Variants in GRID2 observed in about 807,000 individuals in gnomAD.
GRID2 encodes the protein glutamate receptor ionotropic, delta-2.
GRID2 carries 33 observed loss-of-function variants against 114.8 expected under a neutral mutation model. The observed-to-expected ratio is 0.29, with a 90% CI of 0.22 to 0.38. The LOEUF is 0.38. Ranked by LOEUF, GRID2 falls within the 10% of genes least tolerant of loss-of-function variation. The pLI is 1.00. For missense variants in GRID2, 1,184 were observed against 1,257.7 expected (o/e 0.94, Z 0.89); for synonymous variants, 505 against 449.9 (o/e 1.12, Z -1.55).
chr4:93,724,477 A>T (rs547928715), intron 14 of GRID2, among the ~76,000 whole-genome samples: 2 of 152,200 alleles, frequency 1.3e-5, no homozygotes, highest in South Asian at 2.1e-4. Flanking sequence ...TTAATTTTTT[A>T]AAAAATATGC....
intron 2 of GRID2, among the ~76,000 whole-genome samples, chr4:93,007,835 G>A (rs1292213262): frequency 1.3e-5 from 2 of 151,984 alleles, no homozygotes; most frequent in Admixed American, 1.3e-4. Flanking sequence ...GAGGTCAGGA[G>A]TTGGAGACCA....
chr4:92,687,420 TCA>T (rs1733963189), intron 2 of GRID2, among the ~76,000 whole-genome samples: 1 of 152,166 alleles, frequency 6.6e-6, no homozygotes, highest in African/African-American at 2.4e-5. Flanking sequence ...ATAAAGCAAT[TCA>T]CACACTGTTT....
At chr4:92,677,560 T>A (rs1222793627) in intron 2 of GRID2, among the ~76,000 whole-genome samples, 2 of 152,146 alleles carry the variant, frequency 1.3e-5, no homozygotes, top group Non-Finnish European at 2.9e-5. Flanking sequence ...ATTGAACTCT[T>A]GATCTCCTTT....
At chr4:93,695,061 C>T (rs1177582643) in intron 14 of GRID2, among the ~76,000 whole-genome samples, 1 of 151,768 alleles carries the variant, frequency 6.6e-6, no homozygotes, top group East Asian at 2.0e-4. Context: ...GTCCCAGCTA[C>T]CTAGGAGGCT....
At chr4:93,174,176 G>A (rs1468258491) in intron 4 of GRID2, among the ~76,000 whole-genome samples, 1 of 152,084 alleles carries the variant, frequency 6.6e-6, no homozygotes, top group Non-Finnish European at 1.5e-5. Context: ...CAGTGTTATT[G>A]TATGTGTAGT....
intron 4 of GRID2, among the ~76,000 whole-genome samples, chr4:93,119,213 T>C (rs1733553898): frequency 6.6e-6 from 1 of 152,178 alleles, no homozygotes; most frequent in Admixed American, 6.6e-5. Context: ...GCTGAGTATA[T>C]AAACCTGCTG....
intron 2 of GRID2, among the ~76,000 whole-genome samples, chr4:92,837,844 T>C (rs1051416157): frequency 6.6e-6 from 1 of 152,122 alleles, no homozygotes; most frequent in Non-Finnish European, 1.5e-5. Flanking sequence ...GGTTAAACAA[T>C]GTATGATTTA....
At chr4:93,506,478 C>G (rs974532976) in intron 12 of GRID2, among the ~76,000 whole-genome samples, 8 of 152,144 alleles carry the variant, frequency 5.3e-5, no homozygotes, top group Admixed American at 5.2e-4. Flanking sequence ...ATGAAATAGA[C>G]ACTCTAAAGG....
chr4:92,796,160 A>C (rs891405334), intron 2 of GRID2, among the ~76,000 whole-genome samples: 1 of 151,896 alleles, frequency 6.6e-6, no homozygotes, highest in Admixed American at 6.6e-5. Flanking sequence ...TTTTCCGTAG[A>C]ATACTGCATG....
At chr4:92,810,825 T>G (rs1410890723) in intron 2 of GRID2, among the ~76,000 whole-genome samples, 2 of 152,176 alleles carry the variant, frequency 1.3e-5, no homozygotes, top group Non-Finnish European at 2.9e-5. Context: ...AGAGTCTCAC[T>G]CTATTGCCCA....
intron 14 of GRID2, among the ~76,000 whole-genome samples, chr4:93,748,557 T>C (rs1578727512): frequency 6.6e-6 from 1 of 152,188 alleles, no homozygotes; most frequent in East Asian, 1.9e-4. Context: ...CTATTTCTTC[T>C]AGTAAGAAAA....
At chr4:93,038,578 C>T (rs964777038) in intron 2 of GRID2, among the ~76,000 whole-genome samples, 6 of 152,052 alleles carry the variant, frequency 3.9e-5, no homozygotes, top group Admixed American at 6.6e-5. Context: ...ATCATGAAGT[C>T]AGGAGATCGA....
intron 14 of GRID2, among the ~76,000 whole-genome samples, chr4:93,679,595 A>G (rs1282553967): frequency 6.6e-6 from 1 of 151,186 alleles, no homozygotes; most frequent in African/African-American, 2.5e-5. Context: ...ACCACAGTGC[A>G]ATCAAACTAG....
chr4:93,180,179 A>G (rs1579211345), intron 4 of GRID2, among the ~76,000 whole-genome samples: 1 of 152,180 alleles, frequency 6.6e-6, no homozygotes, highest in East Asian at 1.9e-4. Flanking sequence ...TTCTTTCACC[A>G]AATACAGGCA....
At chr4:92,891,070 A>G (rs1301654959) in intron 2 of GRID2, among the ~76,000 whole-genome samples, 6 of 152,108 alleles carry the variant, frequency 3.9e-5, no homozygotes, top group African/African-American at 1.4e-4. Flanking sequence ...CGATAAGAAC[A>G]CATGGACACA....
chr4:92,688,505 C>T (rs771465661), intron 2 of GRID2, among the ~76,000 whole-genome samples: 3 of 152,146 alleles, frequency 2.0e-5, no homozygotes, highest in Non-Finnish European at 4.4e-5. Flanking sequence ...GTCATTTAAA[C>T]AGTATTCCCA....
intron 2 of GRID2, among the ~76,000 whole-genome samples, chr4:92,995,187 A>G (rs1019423544): frequency 3.3e-5 from 5 of 152,062 alleles, no homozygotes; most frequent in African/African-American, 1.2e-4. Context: ...TACAAATTTT[A>G]TGCTTATCAG....
At chr4:92,632,963 T>C (rs930217140) in intron 2 of GRID2, among the ~76,000 whole-genome samples, 1 of 152,172 alleles carries the variant, frequency 6.6e-6, no homozygotes, top group Admixed American at 6.6e-5. Flanking sequence ...CAAGATACAA[T>C]GGGAAAAATT....
rs72886287 is a variant in GRID2 at position 93,525,088 on chromosome 4, T to C, written c.2193+9677T>C. On this transcript the variant is annotated intron_variant, in intron 13 of 15. Coordinates refer to ENST00000282020, the MANE Select transcript of GRID2 (RefSeq NM_001510.4). The stretch of plus-strand genomic sequence containing the variant: ...CTCATTCCTTTAATCAACAAACATT[T>C]ATTCAGTGGCTGCTAAGTAAAATGC... 7.5e-3 allele frequency among the ~76,000 whole-genome samples: 1,142 copies of C among 152,026 alleles called. 13 individuals are homozygous for C. The highest frequency in any genetic ancestry group is 0.026 in the African/African-American group (1,099 of 41,474).
Sources: gnomAD v4.1 joint callset for allele counts (sites outside exome capture counted in the v4.1 genomes callset) on GRCh38, gnomAD v4.1.1 for gene constraint, MANE v1.5 for transcripts, NCBI Gene and HGNC (gene_info 2026-07-23, HGNC 2026-07-21) for gene names.